The following RALYL variants were observed in gnomAD, a reference collection of about 807,000 sequenced individuals.
RALYL encodes the protein RNA-binding Raly-like protein.
RALYL carries 29 observed loss-of-function variants against 35.1 expected under a neutral mutation model. The observed-to-expected ratio is 0.83, with a 90% CI of 0.61 to 1.13. The LOEUF (loss-of-function observed/expected upper bound fraction) is 1.13. Among genes scored for constraint, RALYL ranks in the 50% most tolerant of loss-of-function variants. The probability of loss-of-function intolerance (pLI) is 0.00; values close to 1 mark genes in which losing one functional copy is unlikely to be tolerated. For missense variants in RALYL, 359 were observed against 360.4 expected (o/e 1.00, Z 0.03); for synonymous variants, 120 against 127.6 (o/e 0.94, Z 0.40).
At chr8:84,485,407 C>T (rs1450499054) in intron 1 of RALYL, among the ~76,000 whole-genome samples, 2 of 152,000 alleles carry the variant, frequency 1.3e-5, no homozygotes, top group Non-Finnish European at 2.9e-5. Context: ...TGGCAAAACC[C>T]CATTTCTATT....
intron 1 of RALYL, among the ~76,000 whole-genome samples, chr8:84,330,572 G>A (rs1203308286): frequency 2.6e-5 from 4 of 151,980 alleles, no homozygotes; most frequent in South Asian, 2.1e-4. Flanking sequence ...AAAGTAAAAC[G>A]TAGTTTCCTT....
At chr8:84,388,305 G>A (rs1238575113) in intron 1 of RALYL, among the ~76,000 whole-genome samples, 2 of 152,036 alleles carry the variant, frequency 1.3e-5, no homozygotes, top group African/African-American at 2.4e-5. Context: ...ATAAACATAT[G>A]TGTGCATGTG....
chr8:84,846,198 AG>A (rs1834617988), intron 4 of RALYL, among the ~76,000 whole-genome samples: 1 of 152,200 alleles, frequency 6.6e-6, no homozygotes, highest in South Asian at 2.1e-4. Context: ...GTAGTTTTAT[AG>A]GGATAGCATT....
chr8:84,550,616 T>C (rs2060650700), intron 2 of RALYL, among the ~76,000 whole-genome samples: 2 of 151,386 alleles, frequency 1.3e-5, no homozygotes, highest in South Asian at 4.1e-4. Flanking sequence ...TATACCTTTT[T>C]ATTTTATTTT....
At chr8:84,503,228 G>A (rs1339295829) in intron 1 of RALYL, among the ~76,000 whole-genome samples, 2 of 151,790 alleles carry the variant, frequency 1.3e-5, no homozygotes, top group African/African-American at 4.8e-5. Context: ...GCTCGCTGCA[G>A]CCTCAAACTC....
Position 84,800,802 on chromosome 8 carries a change from C to CT in RALYL, c.333-3960dup, listed in dbSNP as rs71562400. 6.3e-3 allele frequency among the ~76,000 whole-genome samples: 963 copies of CT among 152,082 alleles called. 3 individuals carry two copies. Among genetic ancestry groups the CT allele is most frequent in the Non-Finnish European group, 9.1e-3 (616 of 67,960 alleles). ...TCCTCCTAGCAGTTTCCTTCTTTTA[C>CT]TTTTTTTTCATTTTTCAGGACCAAC... On this transcript the variant is annotated intron_variant, in intron 3 of 8. Coordinates refer to ENST00000521268, the MANE Select transcript of RALYL (RefSeq NM_173848.7).
intron 1 of RALYL, among the ~76,000 whole-genome samples, chr8:84,484,019 T>A (rs986595686): frequency 2.0e-5 from 3 of 152,158 alleles, no homozygotes; most frequent in Non-Finnish European, 4.4e-5. Context: ...TCGGCACATG[T>A]TTAATGCAGC....
chr8:84,756,063 T>A (rs1339135264), intron 2 of RALYL, among the ~76,000 whole-genome samples: 1 of 152,080 alleles, frequency 6.6e-6, no homozygotes, highest in Admixed American at 6.6e-5. Flanking sequence ...TTTTTTGAAT[T>A]TTTGAGATTA....
chr8:84,184,968 G>T (rs774008184), intron 1 of RALYL: 1 of 1,613,458 alleles, frequency 6.2e-7, no homozygotes, highest in African/African-American at 1.3e-5. Flanking sequence ...ACCGGCCCTC[G>T]CACGCTCAAC....
chr8:84,806,291 A>G (rs1386618997), intron 4 of RALYL, among the ~76,000 whole-genome samples: 2 of 152,154 alleles, frequency 1.3e-5, no homozygotes, highest in South Asian at 2.1e-4. Flanking sequence ...TACATTGATC[A>G]TCAGCTCCTA....
chr8:84,189,183 G>A (rs1402025822), intron 1 of RALYL, among the ~76,000 whole-genome samples: 1 of 152,142 alleles, frequency 6.6e-6, no homozygotes, highest in Non-Finnish European at 1.5e-5. Context: ...TGGAAGTCTT[G>A]CACTGGTCTT....
At chr8:84,272,022 G>A (rs1442123900) in intron 1 of RALYL, among the ~76,000 whole-genome samples, 1 of 152,114 alleles carries the variant, frequency 6.6e-6, no homozygotes, top group Non-Finnish European at 1.5e-5. Flanking sequence ...CCACCATAAT[G>A]AGATTCTAAG....
At chr8:84,435,403 T>C (rs1327570382) in intron 1 of RALYL, among the ~76,000 whole-genome samples, 2 of 152,154 alleles carry the variant, frequency 1.3e-5, no homozygotes, top group African/African-American at 4.8e-5. Context: ...CACAAATTTA[T>C]GCTGCTAAAT....
At chr8:84,795,797 C>T (rs1563622051) in intron 3 of RALYL, among the ~76,000 whole-genome samples, 1 of 152,316 alleles carries the variant, frequency 6.6e-6, no homozygotes, top group East Asian at 1.9e-4. Context: ...CAGCCACCAT[C>T]AGTCAGTTGA....
At position 84,916,738 on chromosome 8, in the gene RALYL, A is replaced by C. The variant is rs553646645; in HGVS notation, c.859-4156A>C. Among the ~76,000 whole-genome samples the C allele has an allele frequency of 3.3e-5, 5 of 152,194 alleles. No homozygotes were observed. The East Asian group carries it at 9.7e-4, about 29-fold the overall frequency. On this transcript the variant is annotated intron_variant, in intron 8 of 8. Transcript: ENST00000521268. ...AGACTAATACAGTAAGCCATGTCCC[A>C]AAACAAATATCCATAAAGAATATGG...
intron 1 of RALYL, among the ~76,000 whole-genome samples, chr8:84,451,875 A>T (rs565936761): frequency 6.6e-6 from 1 of 151,916 alleles, no homozygotes. Flanking sequence ...GTTTTTCTCT[A>T]TAACTCAATT....
intron 2 of RALYL, among the ~76,000 whole-genome samples, chr8:84,712,300 C>A (rs1490331358): frequency 6.6e-6 from 1 of 152,052 alleles, no homozygotes; most frequent in Non-Finnish European, 1.5e-5. Context: ...AGTTTGGGAG[C>A]AGAGACGTAC....
chr8:84,373,088 GTTAT>G (rs1856233146), intron 1 of RALYL, among the ~76,000 whole-genome samples: 1 of 150,296 alleles, frequency 6.7e-6, no homozygotes, highest in African/African-American at 2.4e-5. Flanking sequence ...TTTTAATGGG[GTTAT>G]TTTTTTTTCT....
chr8:84,691,526 A>G (rs1313889098), intron 2 of RALYL, among the ~76,000 whole-genome samples: 1 of 152,088 alleles, frequency 6.6e-6, no homozygotes, highest in Non-Finnish European at 1.5e-5. Flanking sequence ...CCAAATCATT[A>G]TCTGATTATA....
Sources: gnomAD v4.1 joint callset for allele counts (sites outside exome capture counted in the v4.1 genomes callset) on GRCh38, gnomAD v4.1.1 for gene constraint, MANE v1.5 for transcripts, NCBI Gene and HGNC (gene_info 2026-07-23, HGNC 2026-07-21) for gene names.